SH2D4B: variants seen among roughly 807,000 people sequenced by gnomAD.
SH2D4B encodes SH2 domain containing 4B, also known as SH2 domain-containing protein 4B.
Under a neutral mutation model 61.5 loss-of-function variants are expected in SH2D4B, and 45 were observed. That is an observed-to-expected ratio of 0.73 (90% CI 0.58 to 0.94). The LOEUF is 0.94. Among genes scored for constraint, SH2D4B ranks in the 40% least tolerant of loss-of-function variants. The pLI is 0.00. For synonymous variants in SH2D4B, 224 were observed against 220.4 expected (o/e 1.02, Z -0.14); for missense variants, 572 against 574.2 (o/e 1.00, Z 0.04).
At chr10:80,586,161 C>T (rs1367555908) in intron 3 of SH2D4B, among the ~76,000 whole-genome samples, 1 of 152,158 alleles carries the variant, frequency 6.6e-6, no homozygotes, top group East Asian at 1.9e-4. Flanking sequence ...CCTCCCCCTC[C>T]TCCATGGGCT....
At chr10:80,612,854 A>G (rs995063139) in intron 6 of SH2D4B, among the ~76,000 whole-genome samples, 1 of 152,216 alleles carries the variant, frequency 6.6e-6, no homozygotes, top group Non-Finnish European at 1.5e-5. Context: ...TCCAAACAGC[A>G]AATAGACAAA....
At chr10:80,554,812 A>C (rs1450870930) in intron 1 of SH2D4B, among the ~76,000 whole-genome samples, 1 of 152,056 alleles carries the variant, frequency 6.6e-6, no homozygotes, top group East Asian at 1.9e-4. Flanking sequence ...GATCAAGACT[A>C]TCCTGGCTAA....
At chr10:80,559,801 C>A (rs1841880599) in intron 1 of SH2D4B, among the ~76,000 whole-genome samples, 1 of 151,332 alleles carries the variant, frequency 6.6e-6, no homozygotes, top group Non-Finnish European at 1.5e-5. Context: ...CCACGTCTGG[C>A]TAATTTTTTT....
chr10:80,570,547 T>C (rs1223034262), intron 2 of SH2D4B, among the ~76,000 whole-genome samples: 2 of 152,306 alleles, frequency 1.3e-5, no homozygotes, highest in South Asian at 4.1e-4. Flanking sequence ...ATTGAAAGAT[T>C]CTAAAATCAG....
intron 1 of SH2D4B, among the ~76,000 whole-genome samples, chr10:80,565,670 C>T (rs1487596224): frequency 6.6e-6 from 1 of 152,158 alleles, no homozygotes; most frequent in Non-Finnish European, 1.5e-5. Flanking sequence ...CACCAAGGAT[C>T]CCTTCCCTTC....
intron 1 of SH2D4B, among the ~76,000 whole-genome samples, chr10:80,540,602 A>AT (rs1564762800): frequency 6.6e-6 from 1 of 151,898 alleles, no homozygotes; most frequent in Non-Finnish European, 1.5e-5. Context: ...CTGGTGACTG[A>AT]TTTTTTTTCT....
At chr10:80,608,015 G>T (rs1327992673) in intron 5 of SH2D4B, among the ~76,000 whole-genome samples, 1 of 152,192 alleles carries the variant, frequency 6.6e-6, no homozygotes, top group Non-Finnish European at 1.5e-5. Flanking sequence ...TCCCGCCTCA[G>T]CCTCTTGAGT....
At chr10:80,597,671 T>TAAATA (rs58385156) in intron 4 of SH2D4B, among the ~76,000 whole-genome samples, 5,601 of 150,830 alleles carry the variant, frequency 0.037, 335 homozygotes, top group African/African-American at 0.13. Flanking sequence ...ATCTCAAAAA[T>TAAATA]AAATAAAATA....
At chr10:80,572,972 A>T (rs1288125665) in intron 3 of SH2D4B, among the ~76,000 whole-genome samples, 2 of 9,274 alleles carry the variant, frequency 2.2e-4, no homozygotes, top group African/African-American at 2.9e-4. Context: ...ATATATATAT[A>T]TATATATATA....
chr10:80,579,539 T>C (rs190627623), intron 3 of SH2D4B, among the ~76,000 whole-genome samples: 45 of 152,180 alleles, frequency 3.0e-4, no homozygotes, highest in Non-Finnish European at 4.0e-4. Flanking sequence ...TGTGCTCTTC[T>C]TCCACCCCGG....
At chr10:80,567,647 C>T (rs1263434404) in intron 1 of SH2D4B, among the ~76,000 whole-genome samples, 1 of 152,250 alleles carries the variant, frequency 6.6e-6, no homozygotes, top group Non-Finnish European at 1.5e-5. Flanking sequence ...GAGCCACAGT[C>T]TCCAGTCTAT....
chr10:80,549,244 T>TGTGTGTGTGA (rs1564765455), intron 1 of SH2D4B, among the ~76,000 whole-genome samples: 4 of 151,346 alleles, frequency 2.6e-5, no homozygotes, highest in African/African-American at 4.9e-5. Context: ...TGTGTGTGTG[T>TGTGTGTGTGA]GAGTTTGGCA....
chr10:80,565,319 C>T lies in SH2D4B; in HGVS notation c.185-4835C>T, dbSNP rs557195958. Among the ~76,000 whole-genome samples, 6 of 152,064 alleles carry T rather than the reference C, an allele frequency of 3.9e-5. No individual in the cohort carries two copies. In the South Asian group the frequency reaches 1.3e-3, roughly 32 times the overall value. Reference sequence around the variant, plus strand: ...TCCCCTGTACCCCCCACCCCCAGCCCCACTACCCTTCCCAGCCTCTGGTAA... The same window carrying T: ...TCCCCTGTACCCCCCACCCCCAGCCTCACTACCCTTCCCAGCCTCTGGTAA... On this transcript the variant is annotated intron_variant, in intron 1 of 7. Coordinates refer to ENST00000646907, the MANE Select transcript of SH2D4B (RefSeq NM_001388272.1).
intron 3 of SH2D4B, among the ~76,000 whole-genome samples, chr10:80,578,216 C>G (rs1349641642): frequency 6.6e-6 from 1 of 152,108 alleles, no homozygotes; most frequent in African/African-American, 2.4e-5. Flanking sequence ...AGCAATCCGC[C>G]CATGTCAACT....
chr10:80,541,886 G>A (rs1488561334), intron 1 of SH2D4B, among the ~76,000 whole-genome samples: 2 of 152,192 alleles, frequency 1.3e-5, no homozygotes, highest in Admixed American at 1.3e-4. Context: ...GTAGGAAGGA[G>A]AGGAGATGAG....
At position 80,644,364 on chromosome 10, in the gene SH2D4B, C is replaced by T. The variant is rs530133340; in HGVS notation, c.*279C>T. The T allele has an allele frequency of 1.5e-4, 54 of 360,124 alleles. No homozygotes were observed. The East Asian group carries it at 2.1e-3, about 14-fold the overall frequency. 22.3% of individuals were successfully genotyped at this position (360,124 alleles called of 1,614,324 possible). A position where few individuals can be genotyped will look rare whatever the true frequency, so the allele number is the denominator to read the frequency against. ...CCTGTTTGTCATGGCTGCCGTAAAC[C>T]GAGCTCTTACAGTGCGTGGACCATG... On this transcript the variant is annotated 3_prime_UTR_variant, in exon 8 of 8. Transcript: ENST00000646907.
intron 5 of SH2D4B, among the ~76,000 whole-genome samples, chr10:80,605,361 A>G (rs894792326): frequency 3.3e-5 from 5 of 151,568 alleles, no homozygotes; most frequent in African/African-American, 9.7e-5. Flanking sequence ...TCTTTTCCTT[A>G]TTGAGTTCTA....
intron 4 of SH2D4B, among the ~76,000 whole-genome samples, chr10:80,592,705 C>A (rs1025612408): frequency 6.9e-6 from 1 of 144,504 alleles, no homozygotes; most frequent in Non-Finnish European, 1.5e-5. Context: ...TGTACTCTGT[C>A]TCTCTGTCTC....
intron 6 of SH2D4B, among the ~76,000 whole-genome samples, chr10:80,632,676 G>A (rs1426217366): frequency 6.6e-6 from 1 of 151,938 alleles, no homozygotes; most frequent in Admixed American, 6.6e-5. Flanking sequence ...CTGGTGTTGG[G>A]GCAGGGAGGT....
Sources: gnomAD v4.1 joint callset for allele counts (sites outside exome capture counted in the v4.1 genomes callset) on GRCh38, gnomAD v4.1.1 for gene constraint, MANE v1.5 for transcripts, NCBI Gene and HGNC (gene_info 2026-07-23, HGNC 2026-07-21) for gene names.